Variants in EPHB1 observed in about 807,000 individuals in gnomAD.
EPHB1 encodes ephrin type-B receptor 1.
EPHB1 carries 30 observed loss-of-function variants against 94.4 expected under a neutral mutation model. The ratio of observed to expected loss-of-function variants is 0.32; its 90% CI spans 0.24 to 0.43. EPHB1 has a LOEUF of 0.43. EPHB1 is among the 20% of genes least tolerant of loss of function. EPHB1 has a pLI of 1.00. For missense variants in EPHB1, 1,055 were observed against 1,308.3 expected (o/e 0.81, Z 2.99); for synonymous variants, 522 against 489.1 (o/e 1.07, Z -0.89).
At chr3:135,112,163 G>A (rs991364021) in intron 4 of EPHB1, among the ~76,000 whole-genome samples, 2 of 152,182 alleles carry the variant, frequency 1.3e-5, no homozygotes, top group Non-Finnish European at 2.9e-5. Flanking sequence ...GGCACCATTT[G>A]CCTGAATTCA....
chr3:134,820,526 C>T (rs1473419861), intron 1 of EPHB1, among the ~76,000 whole-genome samples: 2 of 152,186 alleles, frequency 1.3e-5, no homozygotes, highest in Non-Finnish European at 2.9e-5. Context: ...ACTTTTTAGC[C>T]TCCAGAGGCT....
intron 1 of EPHB1, among the ~76,000 whole-genome samples, chr3:134,876,213 G>A (rs1229229856): frequency 6.6e-6 from 1 of 152,102 alleles, no homozygotes; most frequent in Admixed American, 6.5e-5. Context: ...AGTGATGATT[G>A]GATAGTGTGC....
chr3:135,193,461 A>G (rs911040392), intron 11 of EPHB1, among the ~76,000 whole-genome samples: 4 of 152,216 alleles, frequency 2.6e-5, no homozygotes, highest in African/African-American at 4.8e-5. Flanking sequence ...CAGGCCCACA[A>G]TGAAACCATT....
rs543569693 is a variant in EPHB1 at position 135,212,327 on chromosome 3, A to G, written c.2346+10638A>G. Reference sequence around the variant, plus strand: ...ATTAGCATCTTATTTGTTTTTTCCCATGAAAATGGGAGACATTTCTCTGGC... The same window carrying G: ...ATTAGCATCTTATTTGTTTTTTCCCGTGAAAATGGGAGACATTTCTCTGGC... On this transcript the variant is annotated intron_variant, in intron 12 of 15. Coordinates refer to ENST00000398015, the MANE Select transcript of EPHB1 (RefSeq NM_004441.5). Among the ~76,000 whole-genome samples the G allele has an allele frequency of 4.6e-5, 7 of 152,306 alleles. No homozygotes were observed. The East Asian group carries it at 1.3e-3, about 29-fold the overall frequency.
intron 1 of EPHB1, among the ~76,000 whole-genome samples, chr3:134,862,133 G>A (rs1490239743): frequency 2.0e-5 from 3 of 152,168 alleles, no homozygotes; most frequent in African/African-American, 7.2e-5. Flanking sequence ...TCATAGGTGA[G>A]GGAAGGGGGA....
chr3:135,146,658 G>A (rs1400374065), intron 5 of EPHB1, among the ~76,000 whole-genome samples: 1 of 152,198 alleles, frequency 6.6e-6, no homozygotes, highest in Non-Finnish European at 1.5e-5. Context: ...CAGCCTCTGG[G>A]GAACCCAGCT....
intron 1 of EPHB1, among the ~76,000 whole-genome samples, chr3:134,887,230 G>A (rs111658635): frequency 2.6e-5 from 4 of 152,248 alleles, no homozygotes; most frequent in African/African-American, 7.2e-5. Context: ...TGGGGCCTGC[G>A]TTCTCCTCAT....
At chr3:135,123,524 G>A (rs569406549) in intron 4 of EPHB1, among the ~76,000 whole-genome samples, 14 of 152,186 alleles carry the variant, frequency 9.2e-5, no homozygotes, top group African/African-American at 3.4e-4. Context: ...TCAAGTCAGA[G>A]CCATGTCCAC....
intron 6 of EPHB1, among the ~76,000 whole-genome samples, chr3:135,158,051 C>A (rs1436794915): frequency 1.3e-5 from 2 of 152,160 alleles, no homozygotes; most frequent in Non-Finnish European, 2.9e-5. Flanking sequence ...GCAAGCACCT[C>A]CGATGCTGAG....
At chr3:135,215,286 C>T (rs926167372) in intron 12 of EPHB1, among the ~76,000 whole-genome samples, 2 of 152,146 alleles carry the variant, frequency 1.3e-5, no homozygotes, top group African/African-American at 4.8e-5. Flanking sequence ...GCCTCAGCCT[C>T]CCGAGTAGCT....
At chr3:135,224,857 C>G (rs1174909572) in intron 12 of EPHB1, among the ~76,000 whole-genome samples, 1 of 152,164 alleles carries the variant, frequency 6.6e-6, no homozygotes, top group Non-Finnish European at 1.5e-5. Context: ...ATTACATTCT[C>G]TTTGATTTTT....
At position 134,985,673 on chromosome 3, in the gene EPHB1, G is replaced by C. The variant is rs1247655836; in HGVS notation, c.805+33621G>C. Among the ~76,000 whole-genome samples, 50 of 152,132 alleles carry C rather than the reference G, an allele frequency of 3.3e-4. 1 individual carries two copies. Reference sequence around the variant, plus strand: ...CCTAGGGCTGTTGTGAGGACTAAATGAGATGAGTAACATGCCCAGCACATT... The same window carrying C: ...CCTAGGGCTGTTGTGAGGACTAAATCAGATGAGTAACATGCCCAGCACATT... On this transcript the variant is annotated intron_variant, in intron 3 of 15. Coordinates refer to ENST00000398015, the MANE Select transcript of EPHB1 (RefSeq NM_004441.5).
In EPHB1 at chr3:135,248,507, C is replaced by G. The variant is rs771392868; in HGVS notation, c.2688C>G (p.Ala896=). 6.3e-7 allele frequency: 1 copy of G among 1,592,826 alleles called. No individual in the cohort carries two copies. Among genetic ancestry groups the G allele is most frequent in the Non-Finnish European group, 8.6e-7 (1 of 1,165,734 alleles). The change falls in exon 14 of 16, where the codon GCC becomes GCG. Residue 896 remains alanine (A), a splice_region_variant and synonymous_variant. Coordinates refer to ENST00000398015, the MANE Select transcript of EPHB1 (RefSeq NM_004441.5). The part of the protein sequence containing the change: ...ASLKTVATIT[A]VPSQPLLDRS... ...TCAAGACTGTGGCAACCATCACCGCCGTGTGAGTCTAGTGAAACGGTGATC... is the reference window on the plus strand; with the variant it reads ...TCAAGACTGTGGCAACCATCACCGCGGTGTGAGTCTAGTGAAACGGTGATC...
intron 1 of EPHB1, among the ~76,000 whole-genome samples, chr3:134,817,969 G>A (rs1015032219): frequency 2.0e-5 from 3 of 152,200 alleles, no homozygotes; most frequent in African/African-American, 7.2e-5. Context: ...CTGTGCCTAT[G>A]TTCCTACCCA....
intron 3 of EPHB1, among the ~76,000 whole-genome samples, chr3:135,034,226 G>A (rs1936575870): frequency 6.6e-6 from 1 of 152,162 alleles, no homozygotes; most frequent in South Asian, 2.1e-4. Context: ...GCATCCTTCA[G>A]AATCCACTAT....
At chr3:135,202,826 A>G (rs1053454217) in intron 12 of EPHB1, among the ~76,000 whole-genome samples, 1 of 152,186 alleles carries the variant, frequency 6.6e-6, no homozygotes, top group African/African-American at 2.4e-5. Context: ...TTCCTCACAT[A>G]TCTAGAACCA....
intron 3 of EPHB1, among the ~76,000 whole-genome samples, chr3:135,088,195 G>A (rs192560131): frequency 1.6e-4 from 25 of 152,172 alleles, no homozygotes; most frequent in Admixed American, 8.5e-4. Context: ...TATGCCCATC[G>A]TTACAGAATG....
intron 3 of EPHB1, among the ~76,000 whole-genome samples, chr3:134,986,711 AACACACACACAC>A (rs60628273): frequency 1.2e-4 from 18 of 145,724 alleles, no homozygotes; most frequent in Admixed American, 8.9e-4. Flanking sequence ...TAAAGATATT[AACACACACACAC>A]ACACACACAC....
At chr3:135,070,873 C>T (rs879808175) in intron 3 of EPHB1, among the ~76,000 whole-genome samples, 14 of 152,090 alleles carry the variant, frequency 9.2e-5, no homozygotes, top group Non-Finnish European at 1.9e-4. Flanking sequence ...AGCTCTGTAA[C>T]TGCAACAAGT....
Sources: allele counts gnomAD v4.1 joint callset (sites outside exome capture counted in the v4.1 genomes callset), GRCh38; gene constraint gnomAD v4.1.1; transcripts MANE v1.5; gene names NCBI Gene and HGNC (gene_info 2026-07-23, HGNC 2026-07-21).